Variants in PHIP observed in about 807,000 individuals in gnomAD.
PHIP encodes the protein PHIP subunit of CUL4-Ring ligase complex.
A neutral mutation model predicts 236.8 loss-of-function variants in PHIP; 54 were observed. That is an observed-to-expected ratio of 0.23 (90% CI 0.18 to 0.29). PHIP has a LOEUF of 0.29. Among genes scored for constraint, PHIP ranks in the 10% least tolerant of loss-of-function variants. The pLI is 1.00. For missense variants in PHIP, 1,370 were observed against 2,190.8 expected, an observed-to-expected ratio of 0.63 and a Z score of 7.48; for synonymous variants, 756 against 718.9, an observed-to-expected ratio of 1.05 and a Z score of -0.83.
In PHIP at chr6:78,963,299, T is replaced by C. The variant is rs773773060; in HGVS notation, c.3380-47A>G. 2.0e-6 allele frequency: 3 copies of C among 1,468,178 alleles called. No homozygotes were observed. The South Asian group carries it at 3.9e-5, about 19-fold the overall frequency. The allele number at this position is 1,468,178 out of a possible 1,614,324, so 90.9% of individuals were successfully genotyped here. On this transcript the variant is annotated intron_variant, in intron 29 of 39. Transcript: ENST00000275034. ...TTGCAAATACATGGTAACTTATTAGTATTCAGGTTAGCTTTAGAATGTAAA... is the reference window on the plus strand; with the variant it reads ...TTGCAAATACATGGTAACTTATTAGCATTCAGGTTAGCTTTAGAATGTAAA...
chr6:79,033,757 T>C (rs547297507), intron 7 of PHIP, among the ~76,000 whole-genome samples: 2 of 152,318 alleles, frequency 1.3e-5, no homozygotes, highest in Non-Finnish European at 2.9e-5. Flanking sequence ...TTAATTTCCT[T>C]CAAGAACTTT....
intron 10 of PHIP, among the ~76,000 whole-genome samples, chr6:79,018,347 A>G (rs1470087877): frequency 6.6e-6 from 1 of 151,922 alleles, no homozygotes; most frequent in Non-Finnish European, 1.5e-5. Flanking sequence ...ATGTTTGGAT[A>G]TTAGTATGGC....
At chr6:79,049,789 C>T (rs1227467322) in intron 6 of PHIP, among the ~76,000 whole-genome samples, 2 of 152,074 alleles carry the variant, frequency 1.3e-5, no homozygotes, top group African/African-American at 2.4e-5. Flanking sequence ...ATAAAAATGA[C>T]CCTCCAAGTT....
intron 15 of PHIP, among the ~76,000 whole-genome samples, chr6:79,014,072 A>G (rs1391913089): frequency 6.6e-6 from 1 of 151,692 alleles, no homozygotes; most frequent in African/African-American, 2.4e-5. Flanking sequence ...GGGTTTTACA[A>G]ACCTTATTTC....
At chr6:79,034,744 T>C (rs535211060) in intron 7 of PHIP, among the ~76,000 whole-genome samples, 29 of 152,232 alleles carry the variant, frequency 1.9e-4, no homozygotes, top group East Asian at 1.2e-3. Flanking sequence ...AACTATGAAG[T>C]AGACAATTAG....
chr6:79,046,606 G>A (rs1240752512), intron 6 of PHIP, among the ~76,000 whole-genome samples: 2 of 152,154 alleles, frequency 1.3e-5, no homozygotes, highest in Non-Finnish European at 2.9e-5. Flanking sequence ...AGTGGGTACA[G>A]GGACTCACAC....
At chr6:78,961,234 A>G (rs1319877041) in intron 31 of PHIP, among the ~76,000 whole-genome samples, 1 of 152,064 alleles carries the variant, frequency 6.6e-6, no homozygotes, top group Non-Finnish European at 1.5e-5. Context: ...TTTCAGTGTT[A>G]TAAGTAATGA....
intron 19 of PHIP, among the ~76,000 whole-genome samples, chr6:78,992,376 A>T (rs1167927229): frequency 6.6e-6 from 1 of 152,002 alleles, no homozygotes; most frequent in Non-Finnish European, 1.5e-5. Context: ...TATACAATCC[A>T]CTGATCTTAC....
intron 7 of PHIP, among the ~76,000 whole-genome samples, chr6:79,039,010 C>T (rs1313241138): frequency 6.6e-6 from 1 of 152,150 alleles, no homozygotes; most frequent in Admixed American, 6.5e-5. Context: ...CAATTCCATC[C>T]CACTGTGACT....
chr6:78,953,184 A>T (rs1370331780), intron 35 of PHIP, among the ~76,000 whole-genome samples: 3 of 152,188 alleles, frequency 2.0e-5, no homozygotes, highest in African/African-American at 4.8e-5. Context: ...CTGACACTAG[A>T]ACCACTGGGG....
Position 79,012,004 on chromosome 6 carries a change from A to C in PHIP, c.1524+3078T>G, listed in dbSNP as rs556147642. On this transcript the variant is annotated intron_variant, in intron 15 of 39. Transcript: ENST00000275034. Reference sequence around the variant, plus strand: ...TATTAAAATGTAATTACTATGTATCAAACAGGCATTTGAAAGTTCACCTTT... The same window carrying C: ...TATTAAAATGTAATTACTATGTATCCAACAGGCATTTGAAAGTTCACCTTT... Among the ~76,000 whole-genome samples the C allele has an allele frequency of 2.0e-5, 3 of 151,736 alleles. No individual in the cohort carries two copies. In the East Asian group the frequency reaches 5.8e-4, roughly 29 times the overall value.
At chr6:79,051,585 AT>A (rs1027889377) in intron 6 of PHIP, among the ~76,000 whole-genome samples, 3 of 152,178 alleles carry the variant, frequency 2.0e-5, no homozygotes, top group Non-Finnish European at 2.9e-5. Flanking sequence ...TGTTTTTAAA[AT>A]TTAGCAGATA....
At chr6:79,002,210 C>T (rs1770040223) in intron 16 of PHIP, 86 bp from the exon 17 acceptor site, 1 of 828,788 alleles carries the variant, frequency 1.2e-6, no homozygotes, top group African/African-American at 1.7e-5. Flanking sequence ...TAATAGAAAG[C>T]AAACACCTGA....
At chr6:78,957,321 T>A (rs550409318) in intron 32 of PHIP, 1 of 151,996 alleles carries the variant, frequency 6.6e-6, no homozygotes, top group East Asian at 1.9e-4. Context: ...ATTACAGACA[T>A]AAGAGTCTTC....
rs61022448 is a variant in PHIP, at chr6:78,946,046, T to G, written c.4585A>C (p.Thr1529Pro). The G allele has an allele frequency of 5.8e-5, 93 of 1,612,058 alleles. No individual in the cohort carries two copies. In the African/African-American group the frequency reaches 1.2e-3, roughly 21 times the overall value. The stretch of plus-strand genomic sequence containing the variant: ...GATGCATTAGCTTTTGTAATAAAAG[T>G]CTTTGCAGCTGAAGAAGTAGATGGT... ...EQPSTSSAAK[T>P]FITKANASAI... Residue 1529 changes from threonine to proline, a missense_variant, in exon 38 of 40, where the codon ACT (threonine) becomes CCT (proline). By Grantham distance (38) the Thr-to-Pro change is conservative. Coordinates refer to ENST00000275034, the MANE Select transcript of PHIP (RefSeq NM_017934.7).
rs1240905978 is a variant in PHIP at position 78,997,392 on chromosome 6, A to G, written c.2201+22T>C. 10 of 1,608,404 alleles carry G rather than the reference A, an allele frequency of 6.2e-6. No homozygotes were observed. In the Admixed American group the frequency reaches 1.5e-4, roughly 24 times the overall value. ...ATGAACCCAAGGAACTATGGTACAT[A>G]AAAATTCACAACTTCCCTTACCTGG... On this transcript the variant is annotated intron_variant, in intron 19 of 39. Coordinates refer to ENST00000275034, the MANE Select transcript of PHIP (RefSeq NM_017934.7).
chr6:79,046,903 TAAA>T (rs747732821), intron 6 of PHIP, among the ~76,000 whole-genome samples: 15 of 109,552 alleles, frequency 1.4e-4, no homozygotes, highest in Non-Finnish European at 2.0e-4. Context: ...GTTTAAGAAT[TAAA>T]AAAAAAAAAA....
At position 79,073,950 on chromosome 6, in the gene PHIP, C is replaced by T. The variant is rs555188931; in HGVS notation, c.189+3498G>A. 4.5e-4 allele frequency among the ~76,000 whole-genome samples: 69 copies of T among 152,180 alleles called. No homozygotes were observed. In the South Asian group the frequency reaches 7.3e-3, roughly 16 times the overall value. ...CTTAGTTCTTAAATACAATGTACTGCTATTTCTAGTTCAAAATCACAGATT... is the reference window on the plus strand; with the variant it reads ...CTTAGTTCTTAAATACAATGTACTGTTATTTCTAGTTCAAAATCACAGATT... On this transcript the variant is annotated intron_variant, in intron 4 of 39. Transcript: ENST00000275034.
chr6:79,032,091 G>T (rs961095466), intron 7 of PHIP, among the ~76,000 whole-genome samples: 32 of 152,272 alleles, frequency 2.1e-4, no homozygotes, highest in Non-Finnish European at 4.0e-4. Context: ...GTGTGCAATA[G>T]TATTATGTCT....
Sources: gnomAD v4.1 joint callset for allele counts (sites outside exome capture counted in the v4.1 genomes callset) on GRCh38, gnomAD v4.1.1 for gene constraint, MANE v1.5 for transcripts, NCBI Gene and HGNC (gene_info 2026-07-23, HGNC 2026-07-21) for gene names.